The following SHISA9 variants were observed in gnomAD, a reference collection of about 807,000 sequenced individuals.
SHISA9 encodes the protein protein shisa-9.
SHISA9 carries 13 observed loss-of-function variants against 38.0 expected under a neutral mutation model. The observed-to-expected ratio is 0.34, with a 90% CI of 0.22 to 0.54. The LOEUF is 0.54. Ranked by LOEUF, SHISA9 falls within the 20% of genes least tolerant of loss-of-function variation. The pLI, the probability that SHISA9 is intolerant of heterozygous loss-of-function variation, is 0.91. For synonymous variants in SHISA9, 275 were observed against 242.0 expected (o/e 1.14, Z -1.27); for missense variants, 538 against 575.8 (o/e 0.93, Z 0.67).
chr16:13,256,396 C>T, the SHISA9 span, among the ~76,000 whole-genome samples: 1 of 152,214 alleles, frequency 6.6e-6, no homozygotes, highest in Admixed American at 6.5e-5. Context: ...ATTCTCCTGC[C>T]TCCGCCTCTC....
intron 4 of SHISA9, among the ~76,000 whole-genome samples, chr16:13,225,021 G>A (rs1445072187): frequency 6.6e-6 from 1 of 152,098 alleles, no homozygotes; most frequent in Non-Finnish European, 1.5e-5. Context: ...TTGAGTTGAG[G>A]ATATATTGAA....
At chr16:13,078,961 A>G (rs1401499170) in intron 2 of SHISA9, among the ~76,000 whole-genome samples, 1 of 152,124 alleles carries the variant, frequency 6.6e-6, no homozygotes, top group African/African-American at 2.4e-5. Flanking sequence ...GCATAACAGA[A>G]TAGATAAGAG....
At chr16:13,440,793 G>T in the SHISA9 span, among the ~76,000 whole-genome samples, 1,891 of 152,132 alleles carry the variant, frequency 0.012, 29 homozygotes, top group African/African-American at 0.04. Flanking sequence ...GTGGTGGCGC[G>T]TGCCTGTAGT....
intron 2 of SHISA9, among the ~76,000 whole-genome samples, chr16:13,175,238 A>C (rs868792032): frequency 6.6e-6 from 1 of 151,936 alleles, no homozygotes; most frequent in Non-Finnish European, 1.5e-5. Flanking sequence ...GAAAAGAAAA[A>C]ATTAGCTGGG....
At chr16:12,923,396 T>G (rs905821967) in intron 2 of SHISA9, among the ~76,000 whole-genome samples, 2 of 152,012 alleles carry the variant, frequency 1.3e-5, no homozygotes, top group Non-Finnish European at 2.9e-5. Context: ...GGTGTGGTGG[T>G]GCATGCCTGT....
At chr16:12,941,132 A>G (rs2071605284) in intron 2 of SHISA9, among the ~76,000 whole-genome samples, 1 of 151,922 alleles carries the variant, frequency 6.6e-6, no homozygotes, top group African/African-American at 2.4e-5. Flanking sequence ...TGTGTGGATC[A>G]CTTGAGGTCA....
chr16:13,127,711 A>G (rs1238359283), intron 2 of SHISA9, among the ~76,000 whole-genome samples: 2 of 152,284 alleles, frequency 1.3e-5, no homozygotes, highest in East Asian at 1.9e-4. Flanking sequence ...CAGAAGACCC[A>G]ATTCTCTGTA....
In SHISA9 at chr16:12,970,368, T is replaced by TAC. The variant is rs1171645165; in HGVS notation, c.691+53555_691+53556dup. 1.1e-3 allele frequency among the ~76,000 whole-genome samples: 93 copies of TAC among 87,814 alleles called. 1 individual carries two copies. The highest frequency in any genetic ancestry group is 5.4e-3 in the Middle Eastern group (1 of 186). 57.6% of individuals were successfully genotyped at this position (87,814 alleles called of 152,430 possible). A position where few individuals can be genotyped will look rare whatever the true frequency, so the allele number is the denominator to read the frequency against. On this transcript the variant is annotated intron_variant, in intron 2 of 4. Transcript: ENST00000558583. ...ACATATATGTGTATATATATATATA[T>TAC]ACATATATATATACATATATGTATA...
chr16:13,150,216 C>G (rs954080115), intron 2 of SHISA9, among the ~76,000 whole-genome samples: 1 of 152,036 alleles, frequency 6.6e-6, no homozygotes, highest in Admixed American at 6.6e-5. Flanking sequence ...GTTTGTTCCA[C>G]CTCTTTGTAT....
At chr16:13,358,974 A>C in the SHISA9 span, among the ~76,000 whole-genome samples, 1 of 152,208 alleles carries the variant, frequency 6.6e-6, no homozygotes, top group Non-Finnish European at 1.5e-5. Flanking sequence ...GAATTTTTGG[A>C]ATACCTCCTC....
At chr16:13,071,709 G>A (rs932772850) in intron 2 of SHISA9, among the ~76,000 whole-genome samples, 7 of 151,372 alleles carry the variant, frequency 4.6e-5, no homozygotes, top group African/African-American at 1.7e-4. Flanking sequence ...ACGATCTCAG[G>A]TTACTGCAAC....
intron 2 of SHISA9, among the ~76,000 whole-genome samples, chr16:13,015,890 C>CTTTCT (rs1555454826): frequency 9.4e-5 from 11 of 117,124 alleles, no homozygotes; most frequent in African/African-American, 3.4e-4. Flanking sequence ...TTCTTTCTTT[C>CTTTCT]TTTCTTTCTT....
the SHISA9 span, among the ~76,000 whole-genome samples, chr16:13,329,717 T>C: frequency 0.021 from 3,157 of 152,238 alleles, 92 homozygotes; most frequent in African/African-American, 0.072. Flanking sequence ...AGCAGAAAGG[T>C]AGAGCCATGC....
At chr16:12,981,728 G>C (rs1479221968) in intron 2 of SHISA9, among the ~76,000 whole-genome samples, 1 of 152,038 alleles carries the variant, frequency 6.6e-6, no homozygotes, top group East Asian at 1.9e-4. Context: ...GACTATATTC[G>C]GAGACAGGGT....
rs745454382 is a variant in SHISA9 at position 12,910,319 on chromosome 16, TTTCATTCATTCG to T, written c.564-6368_564-6357del. The T allele has an allele frequency of 1.0e-3, 252 of 245,058 alleles. 1 individual carries two copies. The highest frequency in any genetic ancestry group is 4.2e-3 in the Middle Eastern group (2 of 480). The allele number at this position is 245,058 out of a possible 1,614,324, so 15.2% of individuals were successfully genotyped here. On this transcript the variant is annotated intron_variant, in intron 1 of 4. Coordinates refer to ENST00000558583, the MANE Select transcript of SHISA9 (RefSeq NM_001145204.3). ...TATCTCCAAATTCATTCATTCATTC[TTTCATTCATTCG>T]ATAGGTATTTACTGAACATCTAACT...
chr16:12,968,097 G>T (rs537134814), intron 2 of SHISA9, among the ~76,000 whole-genome samples: 21 of 149,698 alleles, frequency 1.4e-4, no homozygotes, highest in Non-Finnish European at 4.4e-5. Context: ...GGCTGAGGCG[G>T]GAGGATCAGT....
rs546477340 is a variant in SHISA9 at position 13,080,127 on chromosome 16, A to G, written c.692-123267A>G. ...AGTGGCTCACGCCTGTAATCCCAGCACTTTGGGAGGCCGAGGCAGGAGGAT... is the reference window on the plus strand; with the variant it reads ...AGTGGCTCACGCCTGTAATCCCAGCGCTTTGGGAGGCCGAGGCAGGAGGAT... On this transcript the variant is annotated intron_variant, in intron 2 of 4. Coordinates refer to ENST00000558583, the MANE Select transcript of SHISA9 (RefSeq NM_001145204.3). Among the ~76,000 whole-genome samples, 8 of 152,202 alleles carry G rather than the reference A, an allele frequency of 5.3e-5. No homozygotes were observed. The East Asian group carries it at 1.4e-3, about 26-fold the overall frequency.
the SHISA9 span, among the ~76,000 whole-genome samples, chr16:13,389,536 G>A: frequency 1.3e-5 from 2 of 152,104 alleles, 1 homozygote; most frequent in Admixed American, 1.3e-4. Context: ...TTCATTGTCT[G>A]GATGTACCAC....
At chr16:13,530,015 C>G in the SHISA9 span, among the ~76,000 whole-genome samples, 2 of 152,208 alleles carry the variant, frequency 1.3e-5, no homozygotes, top group South Asian at 4.1e-4. Context: ...ATATCACCTT[C>G]TAACTGGGTG....
Sources: allele counts gnomAD v4.1 joint callset (sites outside exome capture counted in the v4.1 genomes callset), GRCh38; gene constraint gnomAD v4.1.1; transcripts MANE v1.5; gene names NCBI Gene and HGNC (gene_info 2026-07-23, HGNC 2026-07-21).